The following FAM83B variants were observed in gnomAD, a reference collection of about 807,000 sequenced individuals.
The protein encoded by FAM83B is scaffolding CK1 anchoring protein B.
A neutral mutation model predicts 38.8 loss-of-function variants in FAM83B; 26 were observed. That is an observed-to-expected ratio of 0.67 (90% CI 0.49 to 0.93). FAM83B has a LOEUF of 0.93. Among genes scored for constraint, FAM83B ranks in the 40% least tolerant of loss-of-function variants. The pLI, the probability that FAM83B is intolerant of heterozygous loss-of-function variation, is 0.00. For missense variants in FAM83B, 1,237 were observed against 1,197.3 expected (o/e 1.03, Z -0.49); for synonymous variants, 419 against 423.1 (o/e 0.99, Z 0.12).
chr6:54,937,810 T>C (rs1773556711), intron 4 of FAM83B, among the ~76,000 whole-genome samples: 1 of 152,108 alleles, frequency 6.6e-6, no homozygotes, highest in African/African-American at 2.4e-5. Flanking sequence ...ATAATATCAG[T>C]TTTTATGCCA....
At chr6:54,921,931 G>A (rs1773182383) in intron 2 of FAM83B, among the ~76,000 whole-genome samples, 2 of 152,096 alleles carry the variant, frequency 1.3e-5, no homozygotes, top group South Asian at 4.1e-4. Context: ...TTGCAGCATA[G>A]CTAGAAGTTA....
chr6:54,925,725 C>T (rs1773272771), intron 2 of FAM83B, among the ~76,000 whole-genome samples: 1 of 152,008 alleles, frequency 6.6e-6, no homozygotes, highest in Admixed American at 6.6e-5. Context: ...GTGAAACTCA[C>T]ATATATGGAG....
chr6:54,917,693 G>A (rs1335365541), intron 2 of FAM83B, among the ~76,000 whole-genome samples: 1 of 151,954 alleles, frequency 6.6e-6, no homozygotes, highest in East Asian at 1.9e-4. Flanking sequence ...CTTTTAAATA[G>A]CACCAGTGAA....
intron 2 of FAM83B, among the ~76,000 whole-genome samples, chr6:54,902,817 T>A (rs1270302588): frequency 1.3e-5 from 2 of 152,212 alleles, no homozygotes; most frequent in South Asian, 4.1e-4. Context: ...ATTACTGTAC[T>A]TGCTCTCTCT....
intron 2 of FAM83B, among the ~76,000 whole-genome samples, chr6:54,913,005 A>G (rs1415142658): frequency 6.6e-6 from 1 of 152,024 alleles, no homozygotes; most frequent in African/African-American, 2.4e-5. Context: ...TAAGTTTTTT[A>G]CTCAAATGGA....
At chr6:54,880,440 T>TC (rs1772105433) in intron 2 of FAM83B, among the ~76,000 whole-genome samples, 1 of 134,682 alleles carries the variant, frequency 7.4e-6, no homozygotes, top group Non-Finnish European at 1.6e-5. Flanking sequence ...ATAGAAGGTT[T>TC]CTTTTTTTTT....
At chr6:54,916,013 A>G (rs9464162) in intron 2 of FAM83B, among the ~76,000 whole-genome samples, 4,636 of 152,152 alleles carry the variant, frequency 0.03, 240 homozygotes, top group African/African-American at 0.1. Context: ...CAAATTTACC[A>G]TTACAATCTT....
At chr6:54,906,364 C>A (rs1357238632) in intron 2 of FAM83B, among the ~76,000 whole-genome samples, 1 of 151,940 alleles carries the variant, frequency 6.6e-6, no homozygotes, top group African/African-American at 2.4e-5. Context: ...ACCAATAAAA[C>A]AATTATTATT....
Position 54,941,821 on chromosome 6 carries a change from A to C in FAM83B, c.2850A>C (p.Thr950=). The C allele has an allele frequency of 6.2e-7, 1 of 1,614,106 alleles. No homozygotes were observed. The highest frequency in any genetic ancestry group is 1.6e-4 in the Middle Eastern group (1 of 6,062). ...AGATTGAGAGCTCTATTCAGCCAAC[A>C]AGCAACATGCCAAATACCAGTATAA... ...FCKIESSIQP[T]SNMPNTSINR... is the part of the protein sequence containing the mutation. The change falls in exon 5 of 5, where the codon ACA becomes ACC. Residue 950 remains threonine, a synonymous_variant. Transcript: ENST00000306858.
Position 54,941,583 on chromosome 6 carries a change from G to T in FAM83B, c.2612G>T (p.Gly871Val), listed in dbSNP as rs761186301. 8.7e-6 allele frequency: 14 copies of T among 1,613,940 alleles called. No individual in the cohort carries two copies. Among genetic ancestry groups the T allele is most frequent in the Non-Finnish European group, 8.5e-7 (1 of 1,180,026 alleles). ...PDENKRTPSP[G>V]PVESKFLERA... ...GAAAATAAAAGAACACCTTCTCCAG[G>T]TCCAGTTGAAAGCAAGTTCTTGGAA... The change falls in exon 5 of 5, where the codon GGT becomes GTT. Residue 871 changes from glycine (G) to valine (V), a missense_variant. Physicochemically the swap from Gly to Val is moderately radical, Grantham distance 109. Coordinates refer to ENST00000306858, the MANE Select transcript of FAM83B (RefSeq NM_001010872.3).
rs189958865 is a variant in FAM83B, at chr6:54,903,206, A to G, written c.445-23165A>G. Among the ~76,000 whole-genome samples, 672 of 152,254 alleles carry G rather than the reference A, an allele frequency of 4.4e-3. 8 individuals carry two copies. Among genetic ancestry groups the G allele is most frequent in the African/African-American group, 0.015 (640 of 41,544 alleles). On this transcript the variant is annotated intron_variant, in intron 2 of 4. Coordinates refer to ENST00000306858, the MANE Select transcript of FAM83B (RefSeq NM_001010872.3). Reference sequence around the variant, plus strand: ...CCATAATTGGAATGCCTTATTATTTATTGGACATTTAAGTTTCTTACAAAT... The same window carrying G: ...CCATAATTGGAATGCCTTATTATTTGTTGGACATTTAAGTTTCTTACAAAT...
At position 54,941,218 on chromosome 6, in the gene FAM83B, G is replaced by A. The variant is rs1773680282; in HGVS notation, c.2247G>A (p.Glu749=). 2 of 1,613,810 alleles carry A rather than the reference G, an allele frequency of 1.2e-6. No individual in the cohort carries two copies. The highest frequency in any genetic ancestry group is 2.2e-5 in the East Asian group (1 of 44,864). ...SIAALLDVNK[E]ESNKELASKK... ...CTGCTTTACTTGATGTGAATAAAGA[G>A]GAATCTAACAAAGAACTTGCTTCAA... The change falls in exon 5 of 5, where the codon GAG becomes GAA. Residue 749 remains glutamate (E), a synonymous_variant. Coordinates refer to ENST00000306858, the MANE Select transcript of FAM83B (RefSeq NM_001010872.3).
chr6:54,863,892 A>G (rs1771643105), intron 1 of FAM83B, among the ~76,000 whole-genome samples: 1 of 152,228 alleles, frequency 6.6e-6, no homozygotes, highest in African/African-American at 2.4e-5. Context: ...GATCAGGGCC[A>G]GAACAAGAAT....
At chr6:54,885,856 T>C (rs1359433854) in intron 2 of FAM83B, among the ~76,000 whole-genome samples, 3 of 151,546 alleles carry the variant, frequency 2.0e-5, no homozygotes, top group Non-Finnish European at 4.4e-5. Flanking sequence ...TTAGGAGATA[T>C]ATCTAATGCT....
intron 2 of FAM83B, among the ~76,000 whole-genome samples, chr6:54,910,264 C>G (rs1772874680): frequency 6.6e-6 from 1 of 152,138 alleles, no homozygotes; most frequent in Non-Finnish European, 1.5e-5. Flanking sequence ...ACTTAGCCAA[C>G]AAGAAACCTG....
chr6:54,903,672 A>G (rs1057149902), intron 2 of FAM83B, among the ~76,000 whole-genome samples: 3 of 152,132 alleles, frequency 2.0e-5, no homozygotes, highest in African/African-American at 7.2e-5. Context: ...CTTAACTGCT[A>G]TAAAATCGTC....
chr6:54,939,597 G>A, intron 4 of FAM83B, 109 bp from the exon 5 acceptor site: 1 of 1,000,796 alleles, frequency 1.0e-6, no homozygotes, highest in Non-Finnish European at 1.4e-6. Flanking sequence ...AATAATGATA[G>A]CCAAAGAAAA....
intron 1 of FAM83B, among the ~76,000 whole-genome samples, chr6:54,869,397 C>T (rs1037082338): frequency 6.6e-6 from 1 of 152,128 alleles, no homozygotes; most frequent in Non-Finnish European, 1.5e-5. Context: ...TGTGTCCGTC[C>T]ATTCTTGGCT....
At chr6:54,884,315 A>G (rs1447235705) in intron 2 of FAM83B, among the ~76,000 whole-genome samples, 7 of 149,884 alleles carry the variant, frequency 4.7e-5, no homozygotes, top group East Asian at 1.9e-4. Context: ...AAAAAAAAAA[A>G]AAAGAGAAAA....
Sources: allele counts gnomAD v4.1 joint callset (sites outside exome capture counted in the v4.1 genomes callset), GRCh38; gene constraint gnomAD v4.1.1; transcripts MANE v1.5; gene names NCBI Gene and HGNC (gene_info 2026-07-23, HGNC 2026-07-21).